SCHIP1: variants seen among roughly 807,000 people sequenced by gnomAD.
The protein encoded by SCHIP1 is schwannomin interacting protein 1, also known as schwannomin-interacting protein 1.
SCHIP1 carries 8 observed loss-of-function variants against 29.7 expected under a neutral mutation model. That is an observed-to-expected ratio of 0.27 (90% CI 0.16 to 0.49). The LOEUF (loss-of-function observed/expected upper bound fraction) is 0.49, where lower values mean the gene tolerates loss of function less well. Among genes scored for constraint, SCHIP1 ranks in the 20% least tolerant of loss-of-function variants. The probability of loss-of-function intolerance (pLI) is 0.99; values close to 1 mark genes in which losing one functional copy is unlikely to be tolerated. For missense variants in SCHIP1, 193 were observed against 294.6 expected (o/e 0.66, Z 2.52); for synonymous variants, 76 against 94.9 (o/e 0.80, Z 1.16).
chr3:159,416,686 C>T, the SCHIP1 span, among the ~76,000 whole-genome samples: 2 of 152,202 alleles, frequency 1.3e-5, no homozygotes, highest in Admixed American at 1.3e-4. Flanking sequence ...TTGATTTCTA[C>T]ATTTAAAATC....
At chr3:159,325,074 CTTCT>C in the SCHIP1 span, among the ~76,000 whole-genome samples, 1 of 152,074 alleles carries the variant, frequency 6.6e-6, no homozygotes, top group Admixed American at 6.6e-5. Context: ...AGTTTGGTAA[CTTCT>C]TTATGCATCA....
At chr3:159,679,622 T>C in the SCHIP1 span, among the ~76,000 whole-genome samples, 1 of 152,136 alleles carries the variant, frequency 6.6e-6, no homozygotes, top group Non-Finnish European at 1.5e-5. Context: ...GAGTGATTCT[T>C]TATAGTCACC....
chr3:159,686,386 A>G, the SCHIP1 span, among the ~76,000 whole-genome samples: 1 of 152,220 alleles, frequency 6.6e-6, no homozygotes, highest in Non-Finnish European at 1.5e-5. Flanking sequence ...TTATCTTCCT[A>G]TTAGTAGGTC....
chr3:159,414,256 G>T, the SCHIP1 span, among the ~76,000 whole-genome samples: 1 of 152,120 alleles, frequency 6.6e-6, no homozygotes, highest in African/African-American at 2.4e-5. Flanking sequence ...AAGGGAGAGA[G>T]AAAATGAACT....
the SCHIP1 span, among the ~76,000 whole-genome samples, chr3:159,389,014 C>A: frequency 1.3e-5 from 2 of 151,706 alleles, no homozygotes; most frequent in African/African-American, 2.4e-5. Flanking sequence ...AATCCTGGAC[C>A]CAAGAAGGAA....
At chr3:159,624,408 T>C in the SCHIP1 span, among the ~76,000 whole-genome samples, 2 of 152,216 alleles carry the variant, frequency 1.3e-5, no homozygotes, top group African/African-American at 4.8e-5. Flanking sequence ...AACTCAGTGA[T>C]TGCCTTTAAC....
At chr3:159,432,321 TGTGTGTGTGTGTGTGTGTGAGAGAGA>T in the SCHIP1 span, among the ~76,000 whole-genome samples, 23 of 103,550 alleles carry the variant, frequency 2.2e-4, no homozygotes, top group East Asian at 7.7e-4. Context: ...TGTGTGTGTG[TGTGTGTGTGTGTGTGTGTGAGAGAGA>T]GAGAGAGAGA....
chr3:159,291,901 A>G, the SCHIP1 span, among the ~76,000 whole-genome samples: 208 of 152,270 alleles, frequency 1.4e-3, 5 homozygotes, highest in Non-Finnish European at 1.4e-3. Context: ...TTAAAAAAAG[A>G]AGAAAGAGGA....
the SCHIP1 span, among the ~76,000 whole-genome samples, chr3:159,376,715 A>G: frequency 1.2e-4 from 18 of 152,038 alleles, no homozygotes; most frequent in African/African-American, 4.3e-4. Flanking sequence ...TTTACCTCTC[A>G]GGCCTGTCCT....
chr3:159,649,797 G>T, the SCHIP1 span, among the ~76,000 whole-genome samples: 1 of 152,174 alleles, frequency 6.6e-6, no homozygotes, highest in Non-Finnish European at 1.5e-5. Flanking sequence ...TTATGGTTCA[G>T]ATTAAAATAT....
the SCHIP1 span, among the ~76,000 whole-genome samples, chr3:159,416,600 A>G: frequency 3.9e-5 from 6 of 152,176 alleles, no homozygotes; most frequent in Non-Finnish European, 8.8e-5. Flanking sequence ...TGCTCATTTA[A>G]TTGGATTTTT....
At chr3:159,378,760 T>G in the SCHIP1 span, among the ~76,000 whole-genome samples, 1 of 152,224 alleles carries the variant, frequency 6.6e-6, no homozygotes, top group Non-Finnish European at 1.5e-5. Flanking sequence ...AGACACAGCC[T>G]CTTGTAAAGG....
At chr3:159,474,401 A>C in the SCHIP1 span, among the ~76,000 whole-genome samples, 1 of 152,160 alleles carries the variant, frequency 6.6e-6, no homozygotes, top group Non-Finnish European at 1.5e-5. Flanking sequence ...GACAACTTCT[A>C]AAATGGTGTG....
At chr3:159,446,992 G>A in the SCHIP1 span, among the ~76,000 whole-genome samples, 1 of 152,168 alleles carries the variant, frequency 6.6e-6, no homozygotes, top group Admixed American at 6.6e-5. Flanking sequence ...AAACTGAATG[G>A]AATATTTTGG....
chr3:159,803,511 G>T, the SCHIP1 span, among the ~76,000 whole-genome samples: 1 of 151,964 alleles, frequency 6.6e-6, no homozygotes, highest in Non-Finnish European at 1.5e-5. Flanking sequence ...TTATTTTTTT[G>T]AGCAGCTCCT....
chr3:159,545,356 G>A, the SCHIP1 span, among the ~76,000 whole-genome samples: 2 of 151,934 alleles, frequency 1.3e-5, no homozygotes, highest in Admixed American at 1.3e-4. Context: ...TGCCATAGAG[G>A]CTAGAATATA....
chr3:159,372,388 T>C, the SCHIP1 span, among the ~76,000 whole-genome samples: 6 of 152,262 alleles, frequency 3.9e-5, no homozygotes, highest in South Asian at 1.2e-3. Flanking sequence ...TTATGGAGGC[T>C]GAAGTAGAAA....
chr3:159,828,753 TG>T, the SCHIP1 span, among the ~76,000 whole-genome samples: 1 of 152,114 alleles, frequency 6.6e-6, no homozygotes, highest in South Asian at 2.1e-4. Flanking sequence ...AGAGATTCCA[TG>T]TACTGCTTTA....
At chr3:159,544,468 C>T in the SCHIP1 span, among the ~76,000 whole-genome samples, 1 of 152,006 alleles carries the variant, frequency 6.6e-6, no homozygotes, top group Non-Finnish European at 1.5e-5. Context: ...TGTACCAACT[C>T]ACAGTTCTAT....
Sources: allele counts gnomAD v4.1 joint callset (sites outside exome capture counted in the v4.1 genomes callset), GRCh38; gene constraint gnomAD v4.1.1; transcripts MANE v1.5; gene names NCBI Gene and HGNC (gene_info 2026-07-23, HGNC 2026-07-21).